C3: variants seen among roughly 807,000 people sequenced by gnomAD.
C3 encodes the protein C3 and PZP-like alpha-2-macroglobulin domain-containing protein 1.
C3 carries 97 observed loss-of-function variants against 207.9 expected under a neutral mutation model. That is an observed-to-expected ratio of 0.47 (90% CI 0.40 to 0.55). The LOEUF (loss-of-function observed/expected upper bound fraction) is 0.55, where lower values mean the gene tolerates loss of function less well. Among genes scored for constraint, C3 ranks in the 20% least tolerant of loss-of-function variants. The probability of loss-of-function intolerance (pLI) is 0.00; values close to 1 mark genes in which losing one functional copy is unlikely to be tolerated. For missense variants in C3, 1,684 were observed against 2,171.7 expected (o/e 0.78, Z 4.46); for synonymous variants, 848 against 857.6 (o/e 0.99, Z 0.20).
chr19:6,689,315 C>CCTCT, intron 27 of C3, among the ~76,000 whole-genome samples: 1 of 126,548 alleles, frequency 7.9e-6, no homozygotes, highest in South Asian at 2.5e-4. Context: ...CTCTCTCTCT[C>CCTCT]TCTCTCTACC....
chr19:6,686,815 C>T lies in C3; in HGVS notation c.3577G>A (p.Gly1193Ser). 1 of 1,614,144 alleles carries T rather than the reference C, an allele frequency of 6.2e-7. No homozygotes were observed. The highest frequency in any genetic ancestry group is 8.5e-7 in the Non-Finnish European group (1 of 1,179,984). ...CTGCCCATCTGGGCCAGAGCATAGC[C>T]AGCAATGGCCACAGTGTAGGATCTC... is the stretch of plus-strand genomic sequence containing the variant. The part of the protein sequence containing the change: ...LQRSYTVAIA[G>S]YALAQMGRLK... The change falls in exon 28 of 41, where the codon GGC (glycine) becomes AGC (serine). Residue 1193 changes from glycine (G) to serine (S), a missense_variant. Physicochemically the swap from Gly to Ser is moderately conservative, Grantham distance 56. Transcript: ENST00000245907.
intron 12 of C3, 51 bp from the exon 13 acceptor site, chr19:6,710,896 C>T: frequency 1.9e-6 from 3 of 1,604,144 alleles, no homozygotes; most frequent in East Asian, 2.2e-5. Context: ...GCAGGGAACG[C>T]AGGGAGGGAT....
At chr19:6,720,494 G>A in intron 1 of C3, 22 bp downstream of exon 1, 2 of 1,555,652 alleles carry the variant, frequency 1.3e-6, no homozygotes, top group Non-Finnish European at 1.8e-6. Flanking sequence ...CCCTGTTTGT[G>A]GGTAGAGTCA....
At position 6,713,227 on chromosome 19, in the gene C3, T is replaced by A. The variant is rs746892541; in HGVS notation, c.965A>T (p.Lys322Met). The A allele has an allele frequency of 5.0e-6, 8 of 1,613,564 alleles. No homozygotes were observed. Among genetic ancestry groups the A allele is most frequent in the South Asian group, 1.1e-5 (1 of 91,090 alleles). The change falls in exon 9 of 41, where the codon AAG (lysine) becomes ATG (methionine). Residue 322 changes from lysine (K) to methionine (M), a missense_variant. Physicochemically the swap from Lys to Met is moderately conservative, Grantham distance 95 (BLOSUM62 -1). This residue lies in a region of C3 where 1,280 missense variants were observed against 1,739.1 expected (regional missense o/e 0.74). Coordinates refer to ENST00000245907, the MANE Select transcript of C3 (RefSeq NM_000064.4). ...QNPRAEDLVG[K>M]SLYVSATVIL... is the part of the protein sequence containing the mutation. ...GACGGTGGCAGACACGTACAAAGACTTCCCCACCAGGTCTTCTGCTCGGGG... is the reference window on the plus strand; with the variant it reads ...GACGGTGGCAGACACGTACAAAGACATCCCCACCAGGTCTTCTGCTCGGGG...
intron 17 of C3, among the ~76,000 whole-genome samples, chr19:6,706,244 C>T (rs1318839252): frequency 6.6e-6 from 1 of 152,204 alleles, no homozygotes; most frequent in African/African-American, 2.4e-5. Context: ...CCTCAGACCT[C>T]CAATGTCCTG....
intron 27 of C3, among the ~76,000 whole-genome samples, chr19:6,688,860 C>A (rs1270977886): frequency 2.6e-5 from 4 of 152,222 alleles, no homozygotes; most frequent in African/African-American, 9.7e-5. Context: ...CTGAGACCTA[C>A]TTCCTGTCCT....
chr19:6,678,180 A>G lies in C3; in HGVS notation c.4822T>C (p.Ser1608Pro), dbSNP rs200817637. 2 of 1,614,160 alleles carry G rather than the reference A, an allele frequency of 1.2e-6. No homozygotes were observed. Among genetic ancestry groups the G allele is most frequent in the African/African-American group, 1.3e-5 (1 of 75,038 alleles). The part of the protein sequence containing the change: ...EKKHYLMWGL[S>P]SDFWGEKPNL... ...GGCTTCTCTCCCCAGAAATCGGAGG[A>G]GAGACCCCACATGAGGTAGTGTTTC... The change falls in exon 40 of 41, where the codon TCC becomes CCC. Residue 1608 changes from serine (S) to proline (P), a missense_variant. By Grantham distance (74) the Ser-to-Pro change is moderately conservative. Transcript: ENST00000245907.
chr19:6,716,994 G>A lies in C3; in HGVS notation c.504+1100C>T, dbSNP rs62125133. ...AAGAGGGCACAGCCCGTGCCAAGGCGCCAAGGCAGGACTGCACCTGGGTGT... is the reference window on the plus strand; with the variant it reads ...AAGAGGGCACAGCCCGTGCCAAGGCACCAAGGCAGGACTGCACCTGGGTGT... On this transcript the variant is annotated intron_variant, in intron 4 of 40. Transcript: ENST00000245907. The A allele has an allele frequency of 9.1e-3, 1,383 of 152,444 alleles. 12 individuals carry two copies. Among genetic ancestry groups the A allele is most frequent in the South Asian group, 0.034 (163 of 4,836 alleles). The allele number at this position is 152,444 out of a possible 1,614,324, so 9.4% of individuals were successfully genotyped here. A position where few individuals can be genotyped will look rare whatever the true frequency, so the allele number is the denominator to read the frequency against.
At chr19:6,680,058 C>A in intron 36 of C3, 100 bp downstream of exon 36, 1 of 776,134 alleles carries the variant, frequency 1.3e-6, no homozygotes, top group South Asian at 1.4e-5. Context: ...AATCCCTGGA[C>A]TCCTTAGACC....
intron 13 of C3, among the ~76,000 whole-genome samples, chr19:6,710,061 G>GAA (rs1967873177): frequency 6.8e-6 from 1 of 146,636 alleles, no homozygotes; most frequent in African/African-American, 2.5e-5. Flanking sequence ...CAGGGAGAGA[G>GAA]ACGGAGAGAC....
intron 25 of C3, 50 bp downstream of exon 25, chr19:6,693,362 G>A: frequency 2.6e-6 from 4 of 1,542,500 alleles, no homozygotes; most frequent in Non-Finnish European, 3.5e-6. Context: ...GCCCTGCTGG[G>A]GGTTGAGGGT....
In C3 at chr19:6,696,372, G is replaced by A. The variant is rs758886580; in HGVS notation, c.2950+7C>T. On this transcript the variant is annotated splice_region_variant and intron_variant, in intron 23 of 40. Transcript: ENST00000245907. ...GACCCATGGGGTCGGGGTCAAGGGT[G>A]TCTCACCTTGCAGGAGAATTCTGGT... The A allele has an allele frequency of 6.2e-7, 1 of 1,602,012 alleles. No homozygotes were observed. Among genetic ancestry groups the A allele is most frequent in the South Asian group, 1.1e-5 (1 of 90,102 alleles).
Position 6,694,519 on chromosome 19 carries a change from G to A in C3, c.3066C>T (p.Val1022=). ...TTTCATCCAGGTAATGCACAGCGATGACCGTGGGCGTCATGCCGATCATGT... is the reference window on the plus strand; with the variant it reads ...TTTCATCCAGGTAATGCACAGCGATAACCGTGGGCGTCATGCCGATCATGT... The part of the protein sequence containing the change: ...EQNMIGMTPT[V]IAVHYLDETE... Residue 1022 remains valine, a synonymous_variant, in exon 24 of 41, where the codon GTC becomes GTT. Transcript: ENST00000245907. 2 of 1,614,142 alleles carry A rather than the reference G, an allele frequency of 1.2e-6. No homozygotes were observed. The highest frequency in any genetic ancestry group is 1.7e-6 in the Non-Finnish European group (2 of 1,180,002).
chr19:6,718,577 AG>A (rs930187485), intron 2 of C3, among the ~76,000 whole-genome samples, 165 bp from the exon 3 acceptor site: 9 of 143,144 alleles, frequency 6.3e-5, no homozygotes, highest in Non-Finnish European at 9.1e-5. Flanking sequence ...GCGAGGGGAG[AG>A]GGGGGACCAG....
At chr19:6,710,394 GGAGA>G (rs1216032634) in intron 13 of C3, among the ~76,000 whole-genome samples, 1 of 148,504 alleles carries the variant, frequency 6.7e-6, no homozygotes, top group Non-Finnish European at 1.5e-5. Flanking sequence ...ATCGAGAGAG[GGAGA>G]GAGAGAAGGA....
chr19:6,719,409 G>A lies in C3; in HGVS notation c.75-6C>T, dbSNP rs757929610. The A allele has an allele frequency of 1.2e-5, 20 of 1,613,478 alleles. No individual in the cohort carries two copies. The highest frequency in any genetic ancestry group is 3.3e-5 in the Admixed American group (2 of 59,996). ...TGGGGGTGATGATAGAGTACCTGTCGGAGTGGGGCACGGGAGTGGGCTTGT... is the reference window on the plus strand; with the variant it reads ...TGGGGGTGATGATAGAGTACCTGTCAGAGTGGGGCACGGGAGTGGGCTTGT... On this transcript the variant is annotated splice_polypyrimidine_tract_variant and splice_region_variant and intron_variant, in intron 1 of 40. Coordinates refer to ENST00000245907, the MANE Select transcript of C3 (RefSeq NM_000064.4). The surrounding 1 kb of genome is among the most constrained non-coding windows in gnomAD (Gnocchi z 5.4).
chr19:6,700,694 A>ATTATATATGTAATATGTGGTATG lies in C3; in HGVS notation c.2440+1410_2440+1432dup, dbSNP rs1185912436. Among the ~76,000 whole-genome samples the ATTATATATGTAATATGTGGTATG allele has an allele frequency of 1.8e-3, 29 of 16,298 alleles. 8 individuals are homozygous for ATTATATATGTAATATGTGGTATG. Among genetic ancestry groups the ATTATATATGTAATATGTGGTATG allele is most frequent in the Admixed American group, 6.1e-3 (6 of 982 alleles). The allele number at this position is 16,298 out of a possible 152,430, so 10.7% of individuals were successfully genotyped here. A position where few individuals can be genotyped will look rare whatever the true frequency, so the allele number is the denominator to read the frequency against. ...ATATGTAATATATAATATATGATAT[A>ATTATATATGTAATATGTGGTATG]TTATATATGTAATATGTGGTATGTT... On this transcript the variant is annotated intron_variant, in intron 19 of 40. Coordinates refer to ENST00000245907, the MANE Select transcript of C3 (RefSeq NM_000064.4).
Position 6,712,601 on chromosome 19 carries a change from C to T in C3, c.1026G>A (p.Glu342=). ...LHSGSDMVQA[E]RSGIPIVTSP... ...AGGTCACGATGGGGATCCCGCTGCG[C>T]TCTGCCTGCACCATGTCACTGCCTG... is the stretch of plus-strand genomic sequence containing the variant. Residue 342 remains glutamate, a synonymous_variant, in exon 10 of 41, where the codon GAG becomes GAA. Coordinates refer to ENST00000245907, the MANE Select transcript of C3 (RefSeq NM_000064.4). The T allele has an allele frequency of 6.2e-7, 1 of 1,614,144 alleles. No homozygotes were observed. Among genetic ancestry groups the T allele is most frequent in the African/African-American group, 1.3e-5 (1 of 75,036 alleles).
Position 6,677,711 on chromosome 19 carries a change from G to T in C3, c.*171C>A. The T allele has an allele frequency of 1.3e-6, 1 of 796,078 alleles. No homozygotes were observed. Among genetic ancestry groups the T allele is most frequent in the Non-Finnish European group, 2.0e-6 (1 of 501,474 alleles). 49.3% of individuals were successfully genotyped at this position (796,078 alleles called of 1,614,324 possible). ...CTTGGCTAAAGAAGTCAGCACACTA[G>T]CAGGCGAACGCCAGGAGAAAATGCG... On this transcript the variant is annotated 3_prime_UTR_variant, in exon 41 of 41. Coordinates refer to ENST00000245907, the MANE Select transcript of C3 (RefSeq NM_000064.4).
Sources: allele counts gnomAD v4.1 joint callset (sites outside exome capture counted in the v4.1 genomes callset), GRCh38; gene constraint gnomAD v4.1.1; regional missense constraint gnomAD v4.1.1; non-coding constraint Gnocchi (gnomAD v3.1); transcripts MANE v1.5; gene names NCBI Gene and HGNC (gene_info 2026-07-23, HGNC 2026-07-21).